The following RBM17 variants were observed in gnomAD, a reference collection of about 807,000 sequenced individuals.
RBM17 encodes the protein RNA binding motif protein 17, also known as splicing factor 45.
In RBM17, 7 loss-of-function variants were observed where a neutral mutation model predicts 53.2. The observed-to-expected ratio is 0.13, with a 90% confidence interval of 0.07 to 0.25. The LOEUF is 0.25. RBM17 is among the 10% of genes least tolerant of loss of function. The probability of loss-of-function intolerance (pLI) is 1.00; values close to 1 mark genes in which losing one functional copy is unlikely to be tolerated. For synonymous variants in RBM17, 167 were observed against 178.1 expected (o/e 0.94, Z 0.50); for missense variants, 257 against 496.7 (o/e 0.52, Z 4.59).
At chr10:6,100,637 A>C (rs963951964) in intron 2 of RBM17, among the ~76,000 whole-genome samples, 1 of 149,450 alleles carries the variant, frequency 6.7e-6, no homozygotes. Context: ...AAAAACCAAA[A>C]GCATTTCAGG....
intron 1 of RBM17, among the ~76,000 whole-genome samples, chr10:6,093,169 G>T (rs549887457): frequency 6.6e-6 from 1 of 152,250 alleles, no homozygotes; most frequent in East Asian, 1.9e-4. Context: ...CTCTCTGGGG[G>T]TTACTTCCTT....
At chr10:6,102,623 A>G (rs1159884219) in intron 3 of RBM17, among the ~76,000 whole-genome samples, 7 of 152,140 alleles carry the variant, frequency 4.6e-5, no homozygotes, top group Admixed American at 3.3e-4. Context: ...AGTACCTATA[A>G]TATTAGTCTC....
chr10:6,110,165 C>T, intron 7 of RBM17, 38 bp downstream of exon 7: 1 of 1,563,926 alleles, frequency 6.4e-7, no homozygotes, highest in Non-Finnish European at 8.7e-7. Flanking sequence ...ACTTGAGAGA[C>T]AGTGTGAAGC....
chr10:6,102,622 AATATT>A (rs1840684294), intron 3 of RBM17, among the ~76,000 whole-genome samples: 1 of 152,140 alleles, frequency 6.6e-6, no homozygotes, highest in Non-Finnish European at 1.5e-5. Context: ...TAGTACCTAT[AATATT>A]AGTCTCCTAT....
At chr10:6,110,449 T>G (rs984421917) in intron 7 of RBM17, among the ~76,000 whole-genome samples, 2 of 152,232 alleles carry the variant, frequency 1.3e-5, no homozygotes, top group African/African-American at 4.8e-5. Flanking sequence ...AGAGCTGACT[T>G]ACTGTCTCCA....
chr10:6,090,672 G>A (rs181073522), intron 1 of RBM17, among the ~76,000 whole-genome samples: 3 of 152,238 alleles, frequency 2.0e-5, no homozygotes, highest in Non-Finnish European at 4.4e-5. Context: ...GATGATCCCA[G>A]GCTAGTCATC....
chr10:6,107,254 A>G (rs898699135), intron 5 of RBM17, among the ~76,000 whole-genome samples: 1 of 151,316 alleles, frequency 6.6e-6, no homozygotes, highest in Non-Finnish European at 1.5e-5. Flanking sequence ...TCGGCTCACC[A>G]CAACCTGCAA....
At chr10:6,092,383 G>T (rs900182850) in intron 1 of RBM17, among the ~76,000 whole-genome samples, 23 of 152,044 alleles carry the variant, frequency 1.5e-4, no homozygotes, top group Non-Finnish European at 2.9e-4. Context: ...ACAAACTATT[G>T]TATATTAAAT....
intron 1 of RBM17, among the ~76,000 whole-genome samples, chr10:6,092,223 C>G (rs971803377): frequency 2.0e-4 from 30 of 152,292 alleles, no homozygotes; most frequent in African/African-American, 7.2e-4. Flanking sequence ...CAAAGTACAG[C>G]TTTTTGTTAC....
At chr10:6,095,115 T>C (rs1259925599) in intron 1 of RBM17, among the ~76,000 whole-genome samples, 1 of 152,226 alleles carries the variant, frequency 6.6e-6, no homozygotes, top group Admixed American at 6.5e-5. Context: ...GCTTCAGGCC[T>C]GTCACGAGAC....
intron 7 of RBM17, among the ~76,000 whole-genome samples, chr10:6,111,005 G>A (rs1228330999): frequency 2.0e-5 from 3 of 152,166 alleles, no homozygotes; most frequent in Non-Finnish European, 4.4e-5. Context: ...ACTTTTTAGC[G>A]AATTTGCTTT....
At chr10:6,109,887 A>AG in intron 6 of RBM17, 99 bp from the exon 7 acceptor site, 1 of 1,045,728 alleles carries the variant, frequency 9.6e-7, no homozygotes, top group Non-Finnish European at 1.3e-6. Flanking sequence ...TAAACCAAAA[A>AG]GTAGGTTAAA....
intron 5 of RBM17, 65 bp from the exon 6 acceptor site, chr10:6,108,621 G>A: frequency 1.5e-6 from 2 of 1,309,118 alleles, no homozygotes; most frequent in African/African-American, 1.5e-5. Flanking sequence ...TATATGGTGT[G>A]TCATAGTCGT....
At chr10:6,096,842 G>A (rs1418615580) in intron 1 of RBM17, 3 of 330,896 alleles carry the variant, frequency 9.1e-6, no homozygotes, top group Admixed American at 4.5e-5. Flanking sequence ...ATGGAAAAAT[G>A]AATTTTAGAG....
chr10:6,105,168 C>A (rs762544224), intron 4 of RBM17, 71 bp downstream of exon 4: 2 of 1,414,676 alleles, frequency 1.4e-6, no homozygotes, highest in African/African-American at 1.4e-5. Flanking sequence ...GAATGAGCGT[C>A]GCTGCTGTCT....
intron 10 of RBM17, 32 bp from the exon 11 acceptor site, chr10:6,115,207 C>G (rs1228669069): frequency 2.6e-6 from 4 of 1,567,700 alleles, no homozygotes; most frequent in Admixed American, 3.5e-5. Context: ...ATCTCAAATG[C>G]CTTTACTCAT....
At chr10:6,101,898 A>G (rs1195777678) in intron 3 of RBM17, among the ~76,000 whole-genome samples, 4 of 152,164 alleles carry the variant, frequency 2.6e-5, no homozygotes, top group African/African-American at 9.6e-5. Flanking sequence ...AAAACAGAGA[A>G]AGGGGTTTTA....
intron 6 of RBM17, among the ~76,000 whole-genome samples, chr10:6,109,271 C>G (rs528958567): frequency 6.6e-6 from 1 of 152,192 alleles, no homozygotes. Flanking sequence ...TGAATATCAT[C>G]TAGGTCATTT....
At chr10:6,093,210 A>G (rs1207919286) in intron 1 of RBM17, among the ~76,000 whole-genome samples, 1 of 151,706 alleles carries the variant, frequency 6.6e-6, no homozygotes, top group Non-Finnish European at 1.5e-5. Flanking sequence ...CTCTTTGCCT[A>G]TTTATTTTTT....
Sources: gnomAD v4.1 joint callset for allele counts (sites outside exome capture counted in the v4.1 genomes callset) on GRCh38, gnomAD v4.1.1 for gene constraint, MANE v1.5 for transcripts, NCBI Gene and HGNC (gene_info 2026-07-23, HGNC 2026-07-21) for gene names.